DNM3: variants seen among roughly 807,000 people sequenced by gnomAD.
The protein encoded by DNM3 is dynamin-3.
Under a neutral mutation model 101.6 loss-of-function variants are expected in DNM3, and 47 were observed. The ratio of observed to expected loss-of-function variants is 0.46; its 90% CI spans 0.37 to 0.59. DNM3 has a LOEUF of 0.59. Ranked by LOEUF, DNM3 falls within the 20% of genes least tolerant of loss-of-function variation. The pLI is 0.00. For missense variants in DNM3, 849 were observed against 1,085.7 expected, an observed-to-expected ratio of 0.78 and a Z score of 3.06; for synonymous variants, 385 against 387.9, an observed-to-expected ratio of 0.99 and a Z score of 0.09.
intron 2 of DNM3, among the ~76,000 whole-genome samples, chr1:171,965,667 C>T (rs1030268576): frequency 6.6e-6 from 1 of 152,076 alleles, no homozygotes; most frequent in Non-Finnish European, 1.5e-5. Flanking sequence ...CGCTTCTGTC[C>T]CCATGTAGTT....
chr1:171,883,992 A>G (rs2036549785), intron 1 of DNM3, among the ~76,000 whole-genome samples: 1 of 152,130 alleles, frequency 6.6e-6, no homozygotes, highest in Non-Finnish European at 1.5e-5. Context: ...GTGACAATGT[A>G]TTGTCATTCT....
intron 14 of DNM3, among the ~76,000 whole-genome samples, chr1:172,222,339 A>AT: frequency 6.6e-6 from 1 of 152,280 alleles, no homozygotes; most frequent in East Asian, 1.9e-4. Context: ...TTCTGAACAG[A>AT]TTTTCTCAAA....
chr1:172,220,390 A>C (rs2060863853), intron 14 of DNM3, among the ~76,000 whole-genome samples: 1 of 152,190 alleles, frequency 6.6e-6, no homozygotes, highest in South Asian at 2.1e-4. Flanking sequence ...TACAATATAC[A>C]AAGAGTTAAT....
intron 17 of DNM3, among the ~76,000 whole-genome samples, chr1:172,325,563 C>T (rs1465133278): frequency 6.6e-6 from 1 of 151,610 alleles, no homozygotes; most frequent in Non-Finnish European, 1.5e-5. Context: ...ACAAACAGCA[C>T]ATCTGCATGT....
At chr1:171,878,706 A>G (rs940671776) in intron 1 of DNM3, among the ~76,000 whole-genome samples, 1 of 152,172 alleles carries the variant, frequency 6.6e-6, no homozygotes, top group African/African-American at 2.4e-5. Flanking sequence ...GAAAAGACAT[A>G]CCATTAGTAC....
intron 20 of DNM3, among the ~76,000 whole-genome samples, chr1:172,391,540 A>C (rs1394804961): frequency 6.6e-6 from 1 of 152,224 alleles, no homozygotes. Context: ...GAGAGAAAGA[A>C]AGAAATTGAG....
chr1:171,894,850 T>A (rs1387500955), intron 1 of DNM3, among the ~76,000 whole-genome samples: 1 of 152,170 alleles, frequency 6.6e-6, no homozygotes. Flanking sequence ...TGGTTTTCTG[T>A]CCTTGTGATA....
chr1:172,120,970 T>C (rs1405762232), intron 13 of DNM3, among the ~76,000 whole-genome samples: 1 of 152,022 alleles, frequency 6.6e-6, no homozygotes, highest in Non-Finnish European at 1.5e-5. Context: ...TACTAAGGTG[T>C]TTTTTTTCTT....
chr1:172,194,457 G>A (rs979963319), intron 14 of DNM3, among the ~76,000 whole-genome samples: 2 of 152,054 alleles, frequency 1.3e-5, no homozygotes, highest in African/African-American at 2.4e-5. Context: ...TGTTGACAGT[G>A]GGGTGTTAAA....
chr1:171,908,029 TAA>T (rs1290478899), intron 1 of DNM3, among the ~76,000 whole-genome samples: 1 of 152,212 alleles, frequency 6.6e-6, no homozygotes, highest in African/African-American at 2.4e-5. Flanking sequence ...TGTATCTATA[TAA>T]AATGGAAATA....
chr1:171,981,944 A>C (rs956996986), intron 2 of DNM3, among the ~76,000 whole-genome samples: 1 of 152,188 alleles, frequency 6.6e-6, no homozygotes, highest in Non-Finnish European at 1.5e-5. Flanking sequence ...CTTTGTGGCT[A>C]GGAGATTTAA....
intron 4 of DNM3, among the ~76,000 whole-genome samples, chr1:172,029,971 G>A (rs372541903): frequency 1.3e-5 from 2 of 152,152 alleles, no homozygotes; most frequent in South Asian, 4.1e-4. Context: ...CATGAAAATG[G>A]CCATAGTGTC....
At chr1:172,096,480 C>T (rs943575200) in intron 13 of DNM3, among the ~76,000 whole-genome samples, 21 of 152,066 alleles carry the variant, frequency 1.4e-4, no homozygotes, top group African/African-American at 4.8e-4. Context: ...CTGATGAATT[C>T]AAGAGATATT....
chr1:172,412,311 G>C lies in DNM3; in HGVS notation c.*4470G>C, dbSNP rs995980520. The C allele has an allele frequency of 3.0e-6, 3 of 985,344 alleles. No individual in the cohort carries two copies. Among genetic ancestry groups the C allele is most frequent in the Non-Finnish European group, 3.6e-6 (3 of 829,838 alleles). 61.0% of individuals were successfully genotyped at this position (985,344 alleles called of 1,614,324 possible). ...ATTACTCTGTCTAACCACTTGCCTTGTCTGCTACCAGTTTGTTAAAAATTA... is the reference window on the plus strand; with the variant it reads ...ATTACTCTGTCTAACCACTTGCCTTCTCTGCTACCAGTTTGTTAAAAATTA... On this transcript the variant is annotated 3_prime_UTR_variant, in exon 21 of 21. Transcript: ENST00000627582.
intron 12 of DNM3, among the ~76,000 whole-genome samples, chr1:172,083,999 A>G (rs2053345911): frequency 1.3e-5 from 2 of 152,158 alleles, no homozygotes; most frequent in South Asian, 4.1e-4. Context: ...TGCTTTAGAA[A>G]GCCAGCAACT....
chr1:172,196,487 C>T (rs1333982339), intron 14 of DNM3, among the ~76,000 whole-genome samples: 1 of 151,988 alleles, frequency 6.6e-6, no homozygotes, highest in Non-Finnish European at 1.5e-5. Context: ...CACCATACTG[C>T]TTTCCACAAT....
intron 14 of DNM3, 61 bp from the exon 15 acceptor site, chr1:172,253,508 TCCTC>T: frequency 3.1e-6 from 2 of 643,522 alleles, no homozygotes; most frequent in Non-Finnish European, 4.8e-6. Context: ...TCCTCTCCTC[TCCTC>T]TCCTCTCCTC....
chr1:172,336,686 C>G (rs188659484), intron 17 of DNM3, among the ~76,000 whole-genome samples: 1 of 148,212 alleles, frequency 6.7e-6, no homozygotes, highest in Non-Finnish European at 1.5e-5. Context: ...GCAGTTTGAT[C>G]GTGTCTTTAC....
intron 14 of DNM3, among the ~76,000 whole-genome samples, chr1:172,176,653 A>G (rs2059162715): frequency 6.6e-6 from 1 of 151,794 alleles, no homozygotes; most frequent in South Asian, 2.1e-4. Context: ...GACCCACAGA[A>G]ATGTAAGATA....
Sources: allele counts gnomAD v4.1 joint callset (sites outside exome capture counted in the v4.1 genomes callset), GRCh38; gene constraint gnomAD v4.1.1; transcripts MANE v1.5; gene names NCBI Gene and HGNC (gene_info 2026-07-23, HGNC 2026-07-21).